Variants in NELL1 observed in about 807,000 individuals in gnomAD.
NELL1 encodes the protein neural EGFL like 1.
Under a neutral mutation model 107.4 loss-of-function variants are expected in NELL1, and 76 were observed. That is an observed-to-expected ratio of 0.71 (90% confidence interval 0.59 to 0.86). The LOEUF is 0.86. Among genes scored for constraint, NELL1 ranks in the 40% least tolerant of loss-of-function variants. The pLI is 0.00. For synonymous variants in NELL1, 353 were observed against 341.2 expected (o/e 1.03, Z -0.38); for missense variants, 1,024 against 1,005.5 (o/e 1.02, Z -0.25).
At chr11:20,948,090 T>C (rs1851000278) in intron 11 of NELL1, among the ~76,000 whole-genome samples, 1 of 152,130 alleles carries the variant, frequency 6.6e-6, no homozygotes, top group Non-Finnish European at 1.5e-5. Flanking sequence ...TCACTCAGGC[T>C]GGAGAGCAGT....
chr11:20,864,891 T>C (rs911029346), intron 4 of NELL1, among the ~76,000 whole-genome samples: 5 of 152,234 alleles, frequency 3.3e-5, no homozygotes, highest in African/African-American at 1.2e-4. Context: ...ACTTCAGAGC[T>C]TCCTGGCTGC....
intron 12 of NELL1, among the ~76,000 whole-genome samples, chr11:21,103,152 C>A (rs574216889): frequency 1.1e-3 from 175 of 152,236 alleles, no homozygotes; most frequent in African/African-American, 4.0e-3. Flanking sequence ...CTCATAGGTC[C>A]ACAGGCCCTT....
At chr11:20,752,270 C>T (rs1228220750) in intron 2 of NELL1, among the ~76,000 whole-genome samples, 1 of 152,124 alleles carries the variant, frequency 6.6e-6, no homozygotes, top group Non-Finnish European at 1.5e-5. Flanking sequence ...AAATCCTTGG[C>T]CAGGTGTGGT....
At chr11:21,252,672 G>A (rs1858670515) in intron 14 of NELL1, among the ~76,000 whole-genome samples, 1 of 152,076 alleles carries the variant, frequency 6.6e-6, no homozygotes, top group Admixed American at 6.6e-5. Context: ...AACTAAAATG[G>A]AAGCTTCTCA....
chr11:21,248,990 G>A (rs1858568331), intron 14 of NELL1, among the ~76,000 whole-genome samples: 1 of 152,148 alleles, frequency 6.6e-6, no homozygotes, highest in Non-Finnish European at 1.5e-5. Context: ...AAAGGGATAA[G>A]GTTGAACCAG....
intron 14 of NELL1, among the ~76,000 whole-genome samples, chr11:21,361,453 C>T (rs1034262075): frequency 6.6e-6 from 1 of 152,030 alleles, no homozygotes; most frequent in African/African-American, 2.4e-5. Context: ...AAACTAATGA[C>T]TGCATGCCTA....
At chr11:21,075,676 G>A (rs1854118067) in intron 12 of NELL1, among the ~76,000 whole-genome samples, 2 of 152,150 alleles carry the variant, frequency 1.3e-5, no homozygotes, top group African/African-American at 4.8e-5. Context: ...AAACACCTAT[G>A]CTCAAGTGAT....
upstream of NELL1, chr11:20,669,578 A>C (rs1853839968): frequency 3.8e-6 from 2 of 532,512 alleles, no homozygotes; most frequent in Non-Finnish European, 6.7e-6. The surrounding 1 kb of genome is among the most constrained non-coding windows in gnomAD (Gnocchi z 4.4). Context: ...CGCATATGCG[A>C]GCGCAGCACC....
At chr11:20,904,909 G>C (rs774367208) in intron 5 of NELL1, among the ~76,000 whole-genome samples, 1 of 151,578 alleles carries the variant, frequency 6.6e-6, no homozygotes, top group Non-Finnish European at 1.5e-5. Context: ...GCTCACTGCA[G>C]CCTTGACCTC....
chr11:20,715,249 T>C (rs1375043129), intron 2 of NELL1, among the ~76,000 whole-genome samples: 1 of 151,258 alleles, frequency 6.6e-6, no homozygotes, highest in Admixed American at 6.6e-5. Context: ...AAAAATTATA[T>C]ATTGCGCTTA....
intron 1 of NELL1, among the ~76,000 whole-genome samples, chr11:20,676,899 T>A (rs1854072539): frequency 6.6e-6 from 1 of 152,208 alleles, no homozygotes; most frequent in South Asian, 2.1e-4. Flanking sequence ...TATGTGTAGA[T>A]AGACACAGCC....
At chr11:20,697,844 T>A (rs191324313) in intron 2 of NELL1, among the ~76,000 whole-genome samples, 1 of 152,282 alleles carries the variant, frequency 6.6e-6, no homozygotes, top group Admixed American at 6.5e-5. Flanking sequence ...GTGGTTTCTT[T>A]TTCATAGGAA....
chr11:21,037,561 A>C (rs764476809), intron 12 of NELL1, among the ~76,000 whole-genome samples: 5 of 152,140 alleles, frequency 3.3e-5, no homozygotes, highest in Non-Finnish European at 5.9e-5. Context: ...ATATGCATAC[A>C]TTGCATATGC....
At chr11:21,315,392 G>C (rs893345568) in intron 14 of NELL1, among the ~76,000 whole-genome samples, 32 of 152,178 alleles carry the variant, frequency 2.1e-4, no homozygotes, top group African/African-American at 7.2e-4. Flanking sequence ...GATTGGAATA[G>C]TATAGAGACA....
chr11:21,220,233 G>A (rs1000289275), intron 13 of NELL1, among the ~76,000 whole-genome samples: 11 of 152,084 alleles, frequency 7.2e-5, no homozygotes, highest in African/African-American at 1.9e-4. Flanking sequence ...CTGTTTTTAT[G>A]CCAGTATCAT....
In NELL1 at chr11:21,048,368, A is replaced by C. The variant is rs76216489; in HGVS notation, c.1301-65221A>C. ...TTCCTCAGAATTTTCATATTCATTT[A>C]AAAAAGTGAAAGTGTTTTTCATACC... On this transcript the variant is annotated intron_variant, in intron 12 of 19. Coordinates refer to ENST00000357134, the MANE Select transcript of NELL1 (RefSeq NM_006157.5). Among the ~76,000 whole-genome samples the C allele has an allele frequency of 4.3e-4, 65 of 152,306 alleles. No individual in the cohort carries two copies. The Middle Eastern group carries it at 0.014, about 32-fold the overall frequency.
At chr11:21,566,585 G>A (rs1856978838) in intron 17 of NELL1, among the ~76,000 whole-genome samples, 1 of 151,716 alleles carries the variant, frequency 6.6e-6, no homozygotes, top group African/African-American at 2.4e-5. Flanking sequence ...AGCTTCTGTG[G>A]CAGAAGATTG....
chr11:21,461,213 G>A (rs1294431723), intron 15 of NELL1, among the ~76,000 whole-genome samples: 1 of 152,058 alleles, frequency 6.6e-6, no homozygotes. Flanking sequence ...GTTAGGAGAA[G>A]CGCTCAGTGA....
intron 13 of NELL1, among the ~76,000 whole-genome samples, chr11:21,164,166 TG>T (rs1856432590): frequency 6.6e-6 from 1 of 152,188 alleles, no homozygotes; most frequent in African/African-American, 2.4e-5. Flanking sequence ...CTGTGGTGTT[TG>T]GTTTGGCAGC....
Sources: allele counts gnomAD v4.1 joint callset (sites outside exome capture counted in the v4.1 genomes callset), GRCh38; gene constraint gnomAD v4.1.1; non-coding constraint Gnocchi (gnomAD v3.1); transcripts MANE v1.5; gene names NCBI Gene and HGNC (gene_info 2026-07-23, HGNC 2026-07-21).